The following NR5A2 variants were observed in gnomAD, a reference collection of about 807,000 sequenced individuals.
The protein encoded by NR5A2 is nuclear receptor subfamily 5 group A member 2, also known as CYP7A promoter-binding factor.
In NR5A2, 26 loss-of-function variants were observed where a neutral mutation model predicts 62.7. That is an observed-to-expected ratio of 0.41 (90% CI 0.30 to 0.58). The LOEUF (loss-of-function observed/expected upper bound fraction) is 0.58. Ranked by LOEUF, NR5A2 falls within the 20% of genes least tolerant of loss-of-function variation. The probability of loss-of-function intolerance (pLI) is 0.22; values close to 1 mark genes in which losing one functional copy is unlikely to be tolerated. For synonymous variants in NR5A2, 246 were observed against 241.7 expected (o/e 1.02, Z -0.16); for missense variants, 541 against 669.1 (o/e 0.81, Z 2.11).
chr1:200,112,775 G>GAAAATGTACCCA (rs1666017937), intron 6 of NR5A2, among the ~76,000 whole-genome samples: 1 of 152,138 alleles, frequency 6.6e-6, no homozygotes, highest in South Asian at 2.1e-4. Flanking sequence ...AGTCTTTGGA[G>GAAAATGTACCCA]AAAATGTACC....
intron 7 of NR5A2, chr1:200,148,311 TG>T: frequency 5.5e-6 from 1 of 181,530 alleles, no homozygotes; most frequent in Non-Finnish European, 1.3e-5. Context: ...AGGCTTTTCT[TG>T]GCCATTTAGG....
At chr1:200,036,977 C>T (rs563401280) in intron 1 of NR5A2, among the ~76,000 whole-genome samples, 1 of 152,326 alleles carries the variant, frequency 6.6e-6, no homozygotes, top group South Asian at 2.1e-4. Flanking sequence ...CCCTCCCGCA[C>T]CCCTCCCATT....
At chr1:200,127,312 A>T (rs1206229230) in intron 7 of NR5A2, among the ~76,000 whole-genome samples, 1 of 151,528 alleles carries the variant, frequency 6.6e-6, no homozygotes, top group Non-Finnish European at 1.5e-5. Context: ...TCTGCTCAAA[A>T]TTTTTTTTTC....
chr1:200,041,864 C>T (rs1014660096), intron 2 of NR5A2, among the ~76,000 whole-genome samples: 1 of 152,194 alleles, frequency 6.6e-6, no homozygotes, highest in Non-Finnish European at 1.5e-5. Flanking sequence ...CGGAGTCCCT[C>T]TGAAAGCAGT....
chr1:200,027,711 C>A lies in NR5A2; in HGVS notation c.-137C>A. The A allele has an allele frequency of 2.1e-6, 1 of 468,336 alleles. No homozygotes were observed. The highest frequency in any genetic ancestry group is 3.4e-5 in the East Asian group (1 of 29,628). 29.0% of individuals were successfully genotyped at this position (468,336 alleles called of 1,614,324 possible). Reference sequence around the variant, plus strand: ...ATTCTGGATTTTTTTTTTTCCTTTGCTTTTTCTTAACTTTCACTAAGGGTT... The same window carrying A: ...ATTCTGGATTTTTTTTTTTCCTTTGATTTTTCTTAACTTTCACTAAGGGTT... On this transcript the variant is annotated 5_prime_UTR_variant, in exon 1 of 8. Coordinates refer to ENST00000367362, the MANE Select transcript of NR5A2 (RefSeq NM_205860.3).
intron 5 of NR5A2, among the ~76,000 whole-genome samples, chr1:200,096,926 C>T (rs1328029443): frequency 2.0e-5 from 3 of 152,170 alleles, no homozygotes; most frequent in African/African-American, 7.2e-5. Context: ...TAGGTTCACT[C>T]TCTGCTGTTC....
At chr1:200,159,049 T>TA (rs1653515937) in intron 7 of NR5A2, among the ~76,000 whole-genome samples, 2 of 125,968 alleles carry the variant, frequency 1.6e-5, no homozygotes, top group South Asian at 5.5e-4. Context: ...CACCCAGCTA[T>TA]TTTTTTTTTT....
chr1:200,113,074 A>T (rs144275177), intron 6 of NR5A2, among the ~76,000 whole-genome samples: 1 of 152,254 alleles, frequency 6.6e-6, no homozygotes, highest in African/African-American at 2.4e-5. Context: ...TTTCAAAACC[A>T]AGAACAATCA....
intron 5 of NR5A2, among the ~76,000 whole-genome samples, chr1:200,103,468 T>G (rs933197554): frequency 6.6e-6 from 1 of 152,098 alleles, no homozygotes; most frequent in Non-Finnish European, 1.5e-5. Flanking sequence ...TGTAAGGGTT[T>G]CCCAATAGTG....
intron 5 of NR5A2, among the ~76,000 whole-genome samples, chr1:200,107,431 T>C (rs1337988481): frequency 6.6e-6 from 1 of 151,990 alleles, no homozygotes; most frequent in African/African-American, 2.4e-5. Context: ...AGGGAGATTA[T>C]AGGAGATGCC....
At chr1:200,107,636 C>A (rs1558143163) in intron 5 of NR5A2, among the ~76,000 whole-genome samples, 1 of 152,118 alleles carries the variant, frequency 6.6e-6, no homozygotes, top group Non-Finnish European at 1.5e-5. Flanking sequence ...TAGGAAAAGT[C>A]AGACTGTTTT....
chr1:200,067,614 C>G (rs754155840), intron 5 of NR5A2, among the ~76,000 whole-genome samples: 5 of 151,444 alleles, frequency 3.3e-5, no homozygotes, highest in Admixed American at 2.6e-4. Context: ...ACAACAGACA[C>G]GAGTCTGCTT....
rs150243341 is a variant in NR5A2, at chr1:200,174,021, C to T, written c.1437C>T (p.Ala479=). 2.5e-5 allele frequency: 40 copies of T among 1,605,378 alleles called. No homozygotes were observed. Among genetic ancestry groups the T allele is most frequent in the Non-Finnish European group, 3.2e-5 (38 of 1,176,056 alleles). The change falls in exon 8 of 8, where the codon GCC becomes GCT. Residue 479 remains alanine (A), a synonymous_variant. Coordinates refer to ENST00000367362, the MANE Select transcript of NR5A2 (RefSeq NM_205860.3). ...LVEGVQEQVN[A]ALLDYTMCNY... ...AAGGTGTCCAGGAACAAGTCAATGC[C>T]GCCCTGCTGGACTACACAATGTGTA... is the stretch of plus-strand genomic sequence containing the variant.
intron 5 of NR5A2, among the ~76,000 whole-genome samples, chr1:200,067,880 G>A (rs548458867): frequency 2.0e-5 from 3 of 152,326 alleles, no homozygotes; most frequent in East Asian, 1.9e-4. Flanking sequence ...AGAACATTTA[G>A]TGCTTCCTCC....
In NR5A2 at chr1:200,147,194, A is replaced by C. The variant is rs1667742788; in HGVS notation, c.1378+26239A>C. Among the ~76,000 whole-genome samples, 1 of 152,212 alleles carries C rather than the reference A, an allele frequency of 6.6e-6. No individual in the cohort carries two copies. The highest frequency in any genetic ancestry group is 2.4e-5 in the African/African-American group (1 of 41,454). On this transcript the variant is annotated intron_variant, in intron 7 of 7. Transcript: ENST00000367362. This position sits in a 1 kb window ranked among gnomAD's most constrained non-coding sequence, Gnocchi z 4.9. ...GATAAAGAAGCAATTGTTTCACGCA[A>C]AAAATAGAGGGGGGCACCTCGCTGA...
intron 5 of NR5A2, among the ~76,000 whole-genome samples, chr1:200,082,347 C>A (rs953348880): frequency 9.9e-5 from 15 of 152,202 alleles, no homozygotes; most frequent in African/African-American, 3.6e-4. Context: ...CTAAAAGTTC[C>A]TTGAAGAACA....
chr1:200,030,947 C>T (rs1286493192), intron 1 of NR5A2, among the ~76,000 whole-genome samples: 1 of 152,170 alleles, frequency 6.6e-6, no homozygotes, highest in Non-Finnish European at 1.5e-5. Flanking sequence ...GCTCTGTGCT[C>T]ATAAGGATCT....
At position 200,147,541 on chromosome 1, in the gene NR5A2, C is replaced by G. The variant is rs1399529689; in HGVS notation, c.1379-26422C>G. 2.9e-6 allele frequency: 2 copies of G among 685,984 alleles called. No individual in the cohort carries two copies. Among genetic ancestry groups the G allele is most frequent in the Non-Finnish European group, 5.5e-6 (2 of 364,342 alleles). The allele number at this position is 685,984 out of a possible 1,614,324, so 42.5% of individuals were successfully genotyped here. ...CTGCTTTTGCTGTTTCTGTGATTTC[C>G]TTGGTTTCTCCATTGGTGTGCTTAA... On this transcript the variant is annotated intron_variant, in intron 7 of 7. Transcript: ENST00000367362. The surrounding 1 kb of genome is among the most constrained non-coding windows in gnomAD (Gnocchi z 4.9).
chr1:200,147,421 A>C lies in NR5A2; in HGVS notation c.1378+26466A>C, dbSNP rs1667757804. On this transcript the variant is annotated intron_variant, in intron 7 of 7. Coordinates refer to ENST00000367362, the MANE Select transcript of NR5A2 (RefSeq NM_205860.3). This position sits in a 1 kb window ranked among gnomAD's most constrained non-coding sequence, Gnocchi z 4.9. Reference sequence around the variant, plus strand: ...GTATGGGTCTGGGCGAGATGCAGGCAGCTTATCTGTTTATGGGGCTGCCTC... The same window carrying C: ...GTATGGGTCTGGGCGAGATGCAGGCCGCTTATCTGTTTATGGGGCTGCCTC... The C allele has an allele frequency of 2.1e-6, 1 of 470,452 alleles. No homozygotes were observed. 29.1% of individuals were successfully genotyped at this position (470,452 alleles called of 1,614,324 possible). A position where few individuals can be genotyped will look rare whatever the true frequency, so the allele number is the denominator to read the frequency against.
Sources: gnomAD v4.1 joint callset for allele counts (sites outside exome capture counted in the v4.1 genomes callset) on GRCh38, gnomAD v4.1.1 for gene constraint, Gnocchi (gnomAD v3.1) non-coding constraint, MANE v1.5 for transcripts, NCBI Gene and HGNC (gene_info 2026-07-23, HGNC 2026-07-21) for gene names.